Variants in ETHE1 observed in about 807,000 individuals in gnomAD.
The protein encoded by ETHE1 is persulfide dioxygenase ETHE1, mitochondrial.
ETHE1 carries 16 observed loss-of-function variants against 25.7 expected under a neutral mutation model. The ratio of observed to expected loss-of-function variants is 0.62; its 90% CI spans 0.42 to 0.95. The LOEUF (loss-of-function observed/expected upper bound fraction) is 0.95, where lower values mean the gene tolerates loss of function less well. Among genes scored for constraint, ETHE1 ranks in the 40% least tolerant of loss-of-function variants. The pLI is 0.00. For synonymous variants in ETHE1, 139 were observed against 135.9 expected, an observed-to-expected ratio of 1.02 and a Z score of -0.16; for missense variants, 300 against 333.6, an observed-to-expected ratio of 0.90 and a Z score of 0.79.
chr19:43,523,364 G>A (rs1972174686), intron 3 of ETHE1, among the ~76,000 whole-genome samples: 1 of 152,010 alleles, frequency 6.6e-6, no homozygotes, highest in South Asian at 2.1e-4. Flanking sequence ...TCTGCCTCCC[G>A]GATTCAAGCA....
At chr19:43,526,832 A>T in intron 1 of ETHE1, 173 bp from the exon 2 acceptor site, 3 of 1,492,664 alleles carry the variant, frequency 2.0e-6, no homozygotes, top group Non-Finnish European at 1.8e-6. Context: ...ATCAGAACAA[A>T]AGAGTTCCAA....
intron 3 of ETHE1, among the ~76,000 whole-genome samples, chr19:43,522,654 T>A (rs1398961025): frequency 6.6e-6 from 1 of 152,050 alleles, no homozygotes; most frequent in Admixed American, 6.6e-5. Flanking sequence ...GCTTATTTTG[T>A]ATTTTTAGTA....
At chr19:43,519,637 T>C (rs1156764416) in intron 3 of ETHE1, among the ~76,000 whole-genome samples, 1 of 152,158 alleles carries the variant, frequency 6.6e-6, no homozygotes, top group Non-Finnish European at 1.5e-5. Flanking sequence ...AGCATTCAGC[T>C]TGCTGGCCTT....
Position 43,508,768 on chromosome 19 carries a change from C to A in ETHE1, c.595+7G>T, listed in dbSNP as rs2145978939. The A allele has an allele frequency of 2.5e-6, 4 of 1,590,800 alleles. No homozygotes were observed. The highest frequency in any genetic ancestry group is 3.4e-6 in the Non-Finnish European group (4 of 1,166,558). On this transcript the variant is annotated splice_region_variant and intron_variant, in intron 5 of 6. Coordinates refer to ENST00000292147, the MANE Select transcript of ETHE1 (RefSeq NM_014297.5). ...TACGCCCCACACCTCTTCCAGGAAGCCCTCACCATGGTAATCGTGAGCAGG... is the reference window on the plus strand; with the variant it reads ...TACGCCCCACACCTCTTCCAGGAAGACCTCACCATGGTAATCGTGAGCAGG...
chr19:43,508,123 C>T, intron 5 of ETHE1, 63 bp from the exon 6 acceptor site: 2 of 1,602,206 alleles, frequency 1.2e-6, no homozygotes, highest in Non-Finnish European at 1.7e-6. Context: ...CTCAGAACTA[C>T]ATTCCCCAGG....
Position 43,526,519 on chromosome 19 carries a change from A to G in ETHE1, c.222T>C (p.Tyr74=). 6.2e-7 allele frequency: 1 copy of G among 1,613,276 alleles called. No individual in the cohort carries two copies. The highest frequency in any genetic ancestry group is 1.1e-5 in the South Asian group (1 of 90,916). Residue 74 remains tyrosine, a synonymous_variant, in exon 2 of 7, where the codon TAT becomes TAC. Coordinates refer to ENST00000292147, the MANE Select transcript of ETHE1 (RefSeq NM_014297.5). ...LIKELGLRLL[Y]AVNTHCHADH... ...GAGTTTGGTCCCCGGACTGACCAGC[A>G]TAGAGCAGCCGCAGCCCCAGCTCCT...
At chr19:43,508,130 C>T (rs1971833050) in intron 5 of ETHE1, 70 bp from the exon 6 acceptor site, 11 of 1,596,218 alleles carry the variant, frequency 6.9e-6, no homozygotes, top group Admixed American at 3.5e-5. Flanking sequence ...CTACATTCCC[C>T]AGGAGGCCTT....
At chr19:43,515,678 G>C (rs1972005244) in intron 3 of ETHE1, among the ~76,000 whole-genome samples, 1 of 152,020 alleles carries the variant, frequency 6.6e-6, no homozygotes, top group African/African-American at 2.4e-5. Flanking sequence ...GGGTTCAAGT[G>C]ATTCTCCTGC....
intron 3 of ETHE1, among the ~76,000 whole-genome samples, chr19:43,517,435 T>A: frequency 7.3e-5 from 1 of 13,658 alleles, no homozygotes; most frequent in Non-Finnish European, 1.6e-4. Flanking sequence ...AGGTCAGGAA[T>A]TTGAGACCAG....
chr19:43,511,946 G>A (rs1971927184), intron 3 of ETHE1, among the ~76,000 whole-genome samples: 1 of 152,032 alleles, frequency 6.6e-6, no homozygotes, highest in Admixed American at 6.6e-5. Flanking sequence ...TTTTTCCCAT[G>A]CTGTCTCGTG....
chr19:43,526,506 C>G lies in ETHE1; in HGVS notation c.226+9G>C. ...CGCTGGGATCCATGAGTTTGGTCCCCGGACTGACCAGCATAGAGCAGCCGC... is the reference window on the plus strand; with the variant it reads ...CGCTGGGATCCATGAGTTTGGTCCCGGGACTGACCAGCATAGAGCAGCCGC... On this transcript the variant is annotated intron_variant, in intron 2 of 6. Transcript: ENST00000292147. The G allele has an allele frequency of 1.9e-6, 3 of 1,612,300 alleles. No individual in the cohort carries two copies. The highest frequency in any genetic ancestry group is 2.5e-6 in the Non-Finnish European group (3 of 1,179,288).
At chr19:43,517,293 T>C (rs986733987) in intron 3 of ETHE1, among the ~76,000 whole-genome samples, 6 of 52,536 alleles carry the variant, frequency 1.1e-4, no homozygotes, top group African/African-American at 4.5e-4. Context: ...AATGTAAATG[T>C]TCTGACCACT....
intron 3 of ETHE1, 173 bp downstream of exon 3, chr19:43,526,028 C>A: frequency 1.1e-6 from 1 of 901,296 alleles, no homozygotes. Flanking sequence ...CCCCAGTGCC[C>A]CACCTGGGTT....
chr19:43,517,751 G>A (rs1370919270), intron 3 of ETHE1, among the ~76,000 whole-genome samples: 3 of 151,616 alleles, frequency 2.0e-5, no homozygotes, highest in African/African-American at 7.3e-5. Context: ...ACTCCACCCT[G>A]GGTGACAGAG....
chr19:43,510,918 C>T (rs1971902031), intron 4 of ETHE1, among the ~76,000 whole-genome samples: 2 of 152,132 alleles, frequency 1.3e-5, no homozygotes, highest in African/African-American at 4.8e-5. Context: ...ACTCCCGTTA[C>T]CACCTGAGCT....
At position 43,526,959 on chromosome 19, in the gene ETHE1, G is replaced by C. The variant is rs1972264382; in HGVS notation, c.81+138C>G. 7.2e-6 allele frequency: 11 copies of C among 1,526,544 alleles called. No homozygotes were observed. In the East Asian group the frequency reaches 2.7e-4, roughly 37 times the overall value. The allele number at this position is 1,526,544 out of a possible 1,614,324, so 94.6% of individuals were successfully genotyped here. On this transcript the variant is annotated intron_variant, in intron 1 of 6. Transcript: ENST00000292147. The stretch of plus-strand genomic sequence containing the variant: ...CACCTTTAAAGGACCCAAGAGTCCA[G>C]CCCTAAACCTCCACCCCGCTTTCCG...
chr19:43,508,808 C>T lies in ETHE1; in HGVS notation c.562G>A (p.Asp188Asn). The T allele has an allele frequency of 6.2e-7, 1 of 1,608,606 alleles. No individual in the cohort carries two copies. The highest frequency in any genetic ancestry group is 8.5e-7 in the Non-Finnish European group (1 of 1,177,906). ...VHEKIFTLPG[D>N]CLIYPAHDYH... ...TCGTGAGCAGGGTAGATCAGACAGTCTCCTGGAAGTGTGAAGATCTTTTCA... is the reference window on the plus strand; with the variant it reads ...TCGTGAGCAGGGTAGATCAGACAGTTTCCTGGAAGTGTGAAGATCTTTTCA... Residue 188 changes from aspartate to asparagine, a missense_variant, in exon 5 of 7, where the codon GAC becomes AAC. Physicochemically the swap from Asp to Asn is conservative, Grantham distance 23 (BLOSUM62 1). Transcript: ENST00000292147.
chr19:43,515,346 G>A (rs551274183), intron 3 of ETHE1, among the ~76,000 whole-genome samples: 5 of 151,500 alleles, frequency 3.3e-5, no homozygotes, highest in Admixed American at 3.3e-4. Flanking sequence ...TAACCCGGGA[G>A]GCGGAGGTTG....
rs760651159 is a variant in ETHE1, at chr19:43,526,161, C to G, written c.375+40G>C. 11 of 1,613,820 alleles carry G rather than the reference C, an allele frequency of 6.8e-6. No homozygotes were observed. In the East Asian group the frequency reaches 2.5e-4, roughly 36 times the overall value. Reference sequence around the variant, plus strand: ...CCCTCTTCCCTTAAGTTTAAGAAGTCCAGGCCACCACCCTCTTGGGGACCC... The same window carrying G: ...CCCTCTTCCCTTAAGTTTAAGAAGTGCAGGCCACCACCCTCTTGGGGACCC... On this transcript the variant is annotated intron_variant, in intron 3 of 6. Coordinates refer to ENST00000292147, the MANE Select transcript of ETHE1 (RefSeq NM_014297.5).
Sources: allele counts gnomAD v4.1 joint callset (sites outside exome capture counted in the v4.1 genomes callset), GRCh38; gene constraint gnomAD v4.1.1; transcripts MANE v1.5; gene names NCBI Gene and HGNC (gene_info 2026-07-23, HGNC 2026-07-21).